The following ABCA13 variants were observed in gnomAD, a reference collection of about 807,000 sequenced individuals.
The protein encoded by ABCA13 is ATP binding cassette subfamily A member 13.
A neutral mutation model predicts 478.7 loss-of-function variants in ABCA13; 476 were observed. That is an observed-to-expected ratio of 0.99 (90% confidence interval 0.92 to 1.07). The LOEUF (loss-of-function observed/expected upper bound fraction) is 1.07. Among genes scored for constraint, ABCA13 ranks in the 50% least tolerant of loss-of-function variants. ABCA13 has a pLI of 0.00. For synonymous variants in ABCA13, 2,252 were observed against 2,158.9 expected (o/e 1.04, Z -1.20); for missense variants, 6,060 against 5,910.6 (o/e 1.03, Z -0.83).
chr7:48,472,045 G>T (rs187564461), intron 45 of ABCA13, among the ~76,000 whole-genome samples: 1 of 152,286 alleles, frequency 6.6e-6, no homozygotes, highest in Non-Finnish European at 1.5e-5. Context: ...GTGGAAGTAG[G>T]TGTGCCACTA....
rs575723804 is a variant in ABCA13, at chr7:48,316,658, T to C, written c.9860-499T>C. 3.9e-5 allele frequency among the ~76,000 whole-genome samples: 6 copies of C among 152,320 alleles called. No individual in the cohort carries two copies. In the South Asian group the frequency reaches 1.0e-3, roughly 26 times the overall value. The stretch of plus-strand genomic sequence containing the variant: ...AGAAAGAGGTTTGTTTGGCTCACAG[T>C]TCTGCAGACTATACAAGAAGCATGG... On this transcript the variant is annotated intron_variant, in intron 26 of 61. Transcript: ENST00000435803.
chr7:48,551,053 T>C (rs1002696629), intron 55 of ABCA13, among the ~76,000 whole-genome samples: 3 of 151,856 alleles, frequency 2.0e-5, no homozygotes, highest in African/African-American at 7.2e-5. Context: ...TAAATCATTT[T>C]TTCTTTAAAT....
intron 55 of ABCA13, among the ~76,000 whole-genome samples, chr7:48,570,310 T>C (rs1157703812): frequency 6.7e-6 from 1 of 150,316 alleles, no homozygotes; most frequent in Non-Finnish European, 1.5e-5. Flanking sequence ...GTATATCTTT[T>C]TGCATCCTCT....
chr7:48,273,745 A>G lies in ABCA13; in HGVS notation c.4079A>G (p.Asp1360Gly). ...AATGTTACTGAGTGTATTTTAGAAG[A>G]TGGCTTTTTATATGTAAATACCTCA... ...FQNVTECILE[D>G]GFLYVNTSQR... The change falls in exon 17 of 62, where the codon GAT (aspartate) becomes GGT (glycine). Residue 1360 changes from aspartate (D) to glycine (G), a missense_variant. By Grantham distance (94) the Asp-to-Gly change is moderately conservative. Coordinates refer to ENST00000435803, the MANE Select transcript of ABCA13 (RefSeq NM_152701.5). 1 of 1,610,502 alleles carries G rather than the reference A, an allele frequency of 6.2e-7. No homozygotes were observed. Among genetic ancestry groups the G allele is most frequent in the Non-Finnish European group, 8.5e-7 (1 of 1,178,118 alleles).
chr7:48,390,530 G>A (rs1815885451), intron 37 of ABCA13, among the ~76,000 whole-genome samples: 1 of 152,174 alleles, frequency 6.6e-6, no homozygotes, highest in African/African-American at 2.4e-5. Context: ...AGTTTGATGA[G>A]TTTTGACACA....
intron 10 of ABCA13, among the ~76,000 whole-genome samples, chr7:48,243,250 T>C (rs1791137185): frequency 6.6e-6 from 1 of 152,246 alleles, no homozygotes; most frequent in Admixed American, 6.5e-5. Context: ...GACTTGACAG[T>C]AAGATCCAGG....
chr7:48,550,828 C>T (rs920940203), intron 55 of ABCA13, among the ~76,000 whole-genome samples: 5 of 151,424 alleles, frequency 3.3e-5, no homozygotes, highest in African/African-American at 1.2e-4. Flanking sequence ...CCCACACTAT[C>T]AGTGTGCACC....
chr7:48,184,821 A>G (rs1459298785), intron 1 of ABCA13, among the ~76,000 whole-genome samples: 2 of 152,178 alleles, frequency 1.3e-5, no homozygotes, highest in Non-Finnish European at 2.9e-5. Flanking sequence ...CTATCTCAAA[A>G]AAATAAAAAG....
intron 30 of ABCA13, among the ~76,000 whole-genome samples, chr7:48,351,290 T>A (rs966393717): frequency 1.3e-5 from 2 of 152,254 alleles, no homozygotes; most frequent in Non-Finnish European, 1.5e-5. Context: ...ATAAATATGG[T>A]GGTGCTCTCA....
At chr7:48,265,899 A>G (rs1472542931) in intron 15 of ABCA13, among the ~76,000 whole-genome samples, 1 of 151,684 alleles carries the variant, frequency 6.6e-6, no homozygotes, top group Non-Finnish European at 1.5e-5. Context: ...ATAGGTTTTC[A>G]TAGATACTTT....
chr7:48,471,469 T>C (rs1827486368), intron 44 of ABCA13, 61 bp from the exon 45 acceptor site: 16 of 1,432,356 alleles, frequency 1.1e-5, no homozygotes, highest in Non-Finnish European at 1.5e-5. Flanking sequence ...CTCTCTTTTA[T>C]GGAAATACAA....
intron 55 of ABCA13, among the ~76,000 whole-genome samples, chr7:48,558,529 C>T (rs1357640958): frequency 6.6e-6 from 1 of 152,090 alleles, no homozygotes; most frequent in Non-Finnish European, 1.5e-5. Context: ...AACTCCTGAC[C>T]TCAGGTGATC....
At chr7:48,324,854 A>G (rs1229559656) in intron 27 of ABCA13, among the ~76,000 whole-genome samples, 2 of 152,206 alleles carry the variant, frequency 1.3e-5, no homozygotes, top group Non-Finnish European at 2.9e-5. Flanking sequence ...GCACGGTACA[A>G]TGATGCACAG....
In ABCA13 at chr7:48,516,778, A is replaced by C; in HGVS notation, c.13694A>C (p.Asp4565Ala). The C allele has an allele frequency of 6.2e-7, 1 of 1,613,824 alleles. No individual in the cohort carries two copies. The highest frequency in any genetic ancestry group is 2.2e-5 in the East Asian group (1 of 44,874). ...YLMSRIFSSS[D>A]VAFISYVSLN... Reference sequence around the variant, plus strand: ...ATGTCCAGAATCTTTTCCAGTTCGGACGTGGCTTTCATTTCCTATGTCTCA... The same window carrying C: ...ATGTCCAGAATCTTTTCCAGTTCGGCCGTGGCTTTCATTTCCTATGTCTCA... Residue 4565 changes from aspartate (D) to alanine (A), a missense_variant, in exon 52 of 62, where the codon GAC becomes GCC. Asp to Ala is a moderately radical substitution (Grantham distance 126). Transcript: ENST00000435803.
intron 22 of ABCA13, among the ~76,000 whole-genome samples, chr7:48,298,142 C>T (rs945327026): frequency 6.6e-6 from 1 of 151,968 alleles, no homozygotes; most frequent in Non-Finnish European, 1.5e-5. Flanking sequence ...AGAGAGTAGA[C>T]CAGTAACCAG....
chr7:48,576,943 C>T (rs1055348365), intron 55 of ABCA13, among the ~76,000 whole-genome samples: 29 of 151,978 alleles, frequency 1.9e-4, no homozygotes, highest in African/African-American at 6.8e-4. Flanking sequence ...TTTAGAAATC[C>T]CCAAATATTT....
chr7:48,567,653 T>C (rs1585835086), intron 55 of ABCA13, among the ~76,000 whole-genome samples: 1 of 152,216 alleles, frequency 6.6e-6, no homozygotes, highest in South Asian at 2.1e-4. Context: ...GATGAACTTT[T>C]ATAGTATTAG....
chr7:48,272,181 G>A lies in ABCA13; in HGVS notation c.2515G>A (p.Ala839Thr), dbSNP rs1284176286. The change falls in exon 17 of 62, where the codon GCC (alanine) becomes ACC (threonine). Residue 839 changes from alanine to threonine, a missense_variant. Physicochemically the swap from Ala to Thr is moderately conservative, Grantham distance 58 (BLOSUM62 0). Coordinates refer to ENST00000435803, the MANE Select transcript of ABCA13 (RefSeq NM_152701.5). ...TAATCCCAAATTACTAGAATTATGG[G>A]CCTATGGCATTTCAAAAGGAAAAAG... Reference protein sequence around the residue: ...EINPKLLELWAYGISKGKRAK... With the variant: ...EINPKLLELWTYGISKGKRAK... 6.2e-7 allele frequency: 1 copy of A among 1,611,998 alleles called. No individual in the cohort carries two copies. Among genetic ancestry groups the A allele is most frequent in the Non-Finnish European group, 8.5e-7 (1 of 1,179,194 alleles).
intron 6 of ABCA13, among the ~76,000 whole-genome samples, chr7:48,229,364 G>A (rs903213970): frequency 2.0e-5 from 3 of 152,174 alleles, no homozygotes; most frequent in Admixed American, 6.5e-5. Context: ...TTAAGACAGG[G>A]TGGAGGATTG....
Sources: gnomAD v4.1 joint callset for allele counts (sites outside exome capture counted in the v4.1 genomes callset) on GRCh38, gnomAD v4.1.1 for gene constraint, MANE v1.5 for transcripts, NCBI Gene and HGNC (gene_info 2026-07-23, HGNC 2026-07-21) for gene names.